ARHGEF19: variants seen among roughly 807,000 people sequenced by gnomAD.
ARHGEF19 encodes Rho guanine nucleotide exchange factor (GEF) 19.
ARHGEF19 carries 92 observed loss-of-function variants against 87.6 expected under a neutral mutation model. The ratio of observed to expected loss-of-function variants is 1.05; its 90% CI spans 0.89 to 1.25. The LOEUF (loss-of-function observed/expected upper bound fraction) is 1.25, where lower values mean the gene tolerates loss of function less well. Among genes scored for constraint, ARHGEF19 ranks in the 50% most tolerant of loss-of-function variants. ARHGEF19 has a pLI of 0.00. For missense variants in ARHGEF19, 1,054 were observed against 1,051.8 expected, an observed-to-expected ratio of 1.00 and a Z score of -0.03; for synonymous variants, 438 against 446.2, an observed-to-expected ratio of 0.98 and a Z score of 0.23.
In ARHGEF19 at chr1:16,207,310, G is replaced by A. The variant is rs570616242; in HGVS notation, c.875-100C>T. 33 of 1,429,382 alleles carry A rather than the reference G, an allele frequency of 2.3e-5. 1 individual carries two copies. The South Asian group carries it at 4.2e-4, about 18-fold the overall frequency. The allele number at this position is 1,429,382 out of a possible 1,614,324, so 88.5% of individuals were successfully genotyped here. ...GAGCCCGCGTCACTTAACCTTTGCC[G>A]CGGTTCGGATATCTGGACACAGTGA... On this transcript the variant is annotated intron_variant, in intron 5 of 15. Transcript: ENST00000270747. The surrounding 1 kb of genome is among the most constrained non-coding windows in gnomAD (Gnocchi z 4.0).
rs781549574 is a variant in ARHGEF19 at position 16,208,214 on chromosome 1, G to T, written c.424C>A (p.Arg142=). Residue 142 remains arginine, a synonymous_variant, in exon 3 of 16, where the codon CGG becomes AGG. Coordinates refer to ENST00000270747, the MANE Select transcript of ARHGEF19 (RefSeq NM_153213.5). ...SEKKSAWRKM[R]VYQREEVPGC... ...GGGACCTCTTCACGCTGGTACACCC[G>T]CATCTTGCGCCCTAGGGTTGGGGGC... 3.7e-6 allele frequency: 6 copies of T among 1,612,392 alleles called. No homozygotes were observed. The highest frequency in any genetic ancestry group is 5.1e-6 in the Non-Finnish European group (6 of 1,179,146).
In ARHGEF19 at chr1:16,206,927, C is replaced by T. The variant is rs2081142678; in HGVS notation, c.1137+21G>A. ...ACTCCCCGGCCCGCCCCCGCCCCGC[C>T]GGGTCCCCGCGCGCGCCCACCTCCT... On this transcript the variant is annotated intron_variant, in intron 6 of 15. Coordinates refer to ENST00000270747, the MANE Select transcript of ARHGEF19 (RefSeq NM_153213.5). This position sits in a 1 kb window ranked among gnomAD's most constrained non-coding sequence, Gnocchi z 4.6. The T allele has an allele frequency of 2.1e-6, 3 of 1,444,536 alleles. No individual in the cohort carries two copies. The highest frequency in any genetic ancestry group is 2.2e-4 in the Middle Eastern group (1 of 4,492). 89.5% of individuals were successfully genotyped at this position (1,444,536 alleles called of 1,614,324 possible).
rs1238434284 is a variant in ARHGEF19 at position 16,206,951 on chromosome 1, C to T, written c.1134G>A (p.Gln378=). The T allele has an allele frequency of 6.7e-7, 1 of 1,490,150 alleles. No individual in the cohort carries two copies. The highest frequency in any genetic ancestry group is 8.9e-7 in the Non-Finnish European group (1 of 1,127,422). The allele number at this position is 1,490,150 out of a possible 1,614,324, so 92.3% of individuals were successfully genotyped here. Residue 378 remains glutamine, a synonymous_variant, in exon 6 of 16, where the codon CAG becomes CAA. Transcript: ENST00000270747. This position sits in a 1 kb window ranked among gnomAD's most constrained non-coding sequence, Gnocchi z 4.6. ...CCGGGTCCCCGCGCGCGCCCACCTC[C>T]TGCAGCTTGCAGTCCCGCAGGCTCA... ...ATLSLRDCKL[Q]EAKFELITSE...
Position 16,206,884 on chromosome 1 carries a change from TA to T in ARHGEF19, c.1137+63del. On this transcript the variant is annotated intron_variant, in intron 6 of 15. Coordinates refer to ENST00000270747, the MANE Select transcript of ARHGEF19 (RefSeq NM_153213.5). The surrounding 1 kb of genome is among the most constrained non-coding windows in gnomAD (Gnocchi z 4.6). ...CCTCCCTCTATGGCCCGGTTCCCGC[TA>T]AGTCCCCGGACCGCGTACTCCCCGG... 7.2e-7 allele frequency: 1 copy of T among 1,380,608 alleles called. No individual in the cohort carries two copies. The highest frequency in any genetic ancestry group is 9.3e-7 in the Non-Finnish European group (1 of 1,075,534). 85.5% of individuals were successfully genotyped at this position (1,380,608 alleles called of 1,614,324 possible).
At position 16,198,679 on chromosome 1, in the gene ARHGEF19, C is replaced by T. The variant is rs760696752; in HGVS notation, c.2317G>A (p.Glu773Lys). ...KGWVPQAYVE[E>K]ISSLSARLRN... ...AGGCGGGCGCTGAGGCTGCTGATCT[C>T]TTCCACATAGGCCTGGGGCACCCAC... The change falls in exon 16 of 16, where the codon GAG becomes AAG. Residue 773 changes from glutamate to lysine, a missense_variant. Physicochemically the swap from Glu to Lys is moderately conservative, Grantham distance 56. Coordinates refer to ENST00000270747, the MANE Select transcript of ARHGEF19 (RefSeq NM_153213.5). This position sits in a 1 kb window ranked among gnomAD's most constrained non-coding sequence, Gnocchi z 4.1. 3 of 1,613,634 alleles carry T rather than the reference C, an allele frequency of 1.9e-6. No homozygotes were observed. Among genetic ancestry groups the T allele is most frequent in the Admixed American group, 1.7e-5 (1 of 59,970 alleles).
Position 16,208,936 on chromosome 1 carries a change from A to G in ARHGEF19, c.119T>C (p.Leu40Pro), listed in dbSNP as rs2081172414. ...CAGACACACTGGGCTCGGGGGCTTCAGGGCGGGCAGCTCTGCAAAGGACAG... is the reference window on the plus strand; with the variant it reads ...CAGACACACTGGGCTCGGGGGCTTCGGGGCGGGCAGCTCTGCAAAGGACAG... Reference protein sequence around the residue: ...ESLSFAELPALKPPSPVCLDL... With the variant: ...ESLSFAELPAPKPPSPVCLDL... Residue 40 changes from leucine (L) to proline (P), a missense_variant, in exon 2 of 16, where the codon CTG (leucine) becomes CCG (proline). Coordinates refer to ENST00000270747, the MANE Select transcript of ARHGEF19 (RefSeq NM_153213.5). 4.4e-6 allele frequency: 7 copies of G among 1,581,438 alleles called. No individual in the cohort carries two copies. The East Asian group carries it at 1.6e-4, about 36-fold the overall frequency.
At chr1:16,201,986 GAC>G in intron 13 of ARHGEF19, 125 bp from the exon 14 acceptor site, 1 of 66,558 alleles carries the variant, frequency 1.5e-5, no homozygotes, top group Non-Finnish European at 2.1e-5. Context: ...CTACCCTAGG[GAC>G]CCATGTCTGC....
In ARHGEF19 at chr1:16,208,632, G is replaced by A. The variant is rs1465939982; in HGVS notation, c.412+11C>T. 2 of 1,595,246 alleles carry A rather than the reference G, an allele frequency of 1.3e-6. No individual in the cohort carries two copies. Among genetic ancestry groups the A allele is most frequent in the East Asian group, 2.2e-5 (1 of 44,614 alleles). On this transcript the variant is annotated intron_variant, in intron 2 of 15. Transcript: ENST00000270747. The stretch of plus-strand genomic sequence containing the variant: ...ATGGCACCCACACCCGCCTTCCCCA[G>A]GGTGACTCACAGGCAGACTTCTTCT...
At chr1:16,202,173 G>A (rs758753101) in intron 13 of ARHGEF19, among the ~76,000 whole-genome samples, 32 of 152,248 alleles carry the variant, frequency 2.1e-4, no homozygotes, top group Non-Finnish European at 3.7e-4. Context: ...GATGCCCAGA[G>A]GCTGAGGAGG....
At position 16,207,517 on chromosome 1, in the gene ARHGEF19, CG is replaced by C; in HGVS notation, c.874+4del. 1 of 1,613,838 alleles carries C rather than the reference CG, an allele frequency of 6.2e-7. No homozygotes were observed. Among genetic ancestry groups the C allele is most frequent in the Non-Finnish European group, 8.5e-7 (1 of 1,179,884 alleles). On this transcript the variant is annotated splice_donor_region_variant and intron_variant, in intron 5 of 15. Transcript: ENST00000270747. This position sits in a 1 kb window ranked among gnomAD's most constrained non-coding sequence, Gnocchi z 4.0. The stretch of plus-strand genomic sequence containing the variant: ...CCTCCTCCCAGGGACCCCCCTCCCA[CG>C]TACAGTTAAGGAGGAATCGAGACTG...
At chr1:16,203,481 C>G (rs1233160842) in intron 12 of ARHGEF19, among the ~76,000 whole-genome samples, 1 of 152,200 alleles carries the variant, frequency 6.6e-6, no homozygotes, top group Admixed American at 6.5e-5. Flanking sequence ...GCAAGACCCT[C>G]TGGCCTCTCC....
At position 16,206,479 on chromosome 1, in the gene ARHGEF19, C is replaced by T. The variant is rs1027411086; in HGVS notation, c.1138-139G>A. 3 of 939,514 alleles carry T rather than the reference C, an allele frequency of 3.2e-6. No individual in the cohort carries two copies. Among genetic ancestry groups the T allele is most frequent in the Non-Finnish European group, 4.8e-6 (3 of 622,380 alleles). The allele number at this position is 939,514 out of a possible 1,614,324, so 58.2% of individuals were successfully genotyped here. On this transcript the variant is annotated intron_variant, in intron 6 of 15. Transcript: ENST00000270747. The surrounding 1 kb of genome is among the most constrained non-coding windows in gnomAD (Gnocchi z 4.6). ...GCCCCACTCCTAATCTGGCGCCGGG[C>T]GGGCCCGGCGACCCACGTCCCGCCG...
intron 14 of ARHGEF19, among the ~76,000 whole-genome samples, 167 bp from the exon 15 acceptor site, chr1:16,199,421 C>G (rs1383987319): frequency 6.6e-6 from 1 of 152,092 alleles, no homozygotes; most frequent in African/African-American, 2.4e-5. Flanking sequence ...TTCAAGCAGG[C>G]ATACCCTCTG....
rs1250482036 is a variant in ARHGEF19, at chr1:16,208,187, C to G, written c.451G>C (p.Gly151Arg). ...AAGACAGCGTGGGCCTCGGGGCAGC[C>G]GGGGACCTCTTCACGCTGGTACACC... is the stretch of plus-strand genomic sequence containing the variant. ...MRVYQREEVP[G>R]CPEAHAVFLE... Residue 151 changes from glycine (G) to arginine (R), a missense_variant, in exon 3 of 16, where the codon GGC (glycine) becomes CGC (arginine). By Grantham distance (125) the Gly-to-Arg change is moderately radical. Coordinates refer to ENST00000270747, the MANE Select transcript of ARHGEF19 (RefSeq NM_153213.5). The G allele has an allele frequency of 1.9e-6, 3 of 1,613,348 alleles. No individual in the cohort carries two copies. Among genetic ancestry groups the G allele is most frequent in the Non-Finnish European group, 2.5e-6 (3 of 1,179,652 alleles).
At position 16,205,857 on chromosome 1, in the gene ARHGEF19, A is replaced by T; in HGVS notation, c.1451+74T>A. On this transcript the variant is annotated intron_variant, in intron 8 of 15. Transcript: ENST00000270747. This position sits in a 1 kb window ranked among gnomAD's most constrained non-coding sequence, Gnocchi z 5.8. ...TCCCCTCCCAGAGTCACCTTACGTCACCCAGCCCTCAGTGCCTACACCTGC... is the reference window on the plus strand; with the variant it reads ...TCCCCTCCCAGAGTCACCTTACGTCTCCCAGCCCTCAGTGCCTACACCTGC... The T allele has an allele frequency of 6.5e-7, 1 of 1,532,008 alleles. No individual in the cohort carries two copies. The highest frequency in any genetic ancestry group is 8.8e-7 in the Non-Finnish European group (1 of 1,135,722). The allele number at this position is 1,532,008 out of a possible 1,614,324, so 94.9% of individuals were successfully genotyped here. A position where few individuals can be genotyped will look rare whatever the true frequency, so the allele number is the denominator to read the frequency against.
intron 12 of ARHGEF19, among the ~76,000 whole-genome samples, chr1:16,203,086 C>T (rs1006329379): frequency 1.1e-4 from 17 of 152,140 alleles, no homozygotes; most frequent in African/African-American, 3.9e-4. Context: ...ATAAGCCCCA[C>T]GAAGGCTGAG....
At chr1:16,202,254 CCT>C (rs2081089540) in intron 13 of ARHGEF19, among the ~76,000 whole-genome samples, 160 bp downstream of exon 13, 3 of 152,238 alleles carry the variant, frequency 2.0e-5, no homozygotes, top group South Asian at 2.1e-4. Context: ...GCCCTCTGCC[CCT>C]GTGTCCTGCC....
intron 13 of ARHGEF19, 52 bp downstream of exon 13, chr1:16,202,364 G>A: frequency 6.5e-7 from 1 of 1,537,190 alleles, no homozygotes. Context: ...GGGACGGGGT[G>A]CCTGTCATGG....
rs1180335081 is a variant in ARHGEF19, at chr1:16,206,375, G to C, written c.1138-35C>G. On this transcript the variant is annotated intron_variant, in intron 6 of 15. Transcript: ENST00000270747. This position sits in a 1 kb window ranked among gnomAD's most constrained non-coding sequence, Gnocchi z 4.6. ...GGCACACACGGGGTCGAAAGGGCAGGACCAGTTCACCTCGGAGGCCCTGGC... is the reference window on the plus strand; with the variant it reads ...GGCACACACGGGGTCGAAAGGGCAGCACCAGTTCACCTCGGAGGCCCTGGC... 2 of 1,562,408 alleles carry C rather than the reference G, an allele frequency of 1.3e-6. No homozygotes were observed. Among genetic ancestry groups the C allele is most frequent in the Admixed American group, 3.9e-5 (2 of 51,330 alleles).
Sources: allele counts gnomAD v4.1 joint callset (sites outside exome capture counted in the v4.1 genomes callset), GRCh38; gene constraint gnomAD v4.1.1; non-coding constraint Gnocchi (gnomAD v3.1); transcripts MANE v1.5; gene names NCBI Gene and HGNC (gene_info 2026-07-23, HGNC 2026-07-21).